GNA12: variants seen among roughly 807,000 people sequenced by gnomAD.
GNA12 encodes the protein G protein subunit alpha 12.
A neutral mutation model predicts 26.0 loss-of-function variants in GNA12; 9 were observed. That is an observed-to-expected ratio of 0.35 (90% confidence interval 0.21 to 0.60). The LOEUF is 0.60. GNA12 is among the 20% of genes least tolerant of loss of function. GNA12 has a pLI of 0.78. For missense variants in GNA12, 405 were observed against 525.8 expected (o/e 0.77, Z 2.25); for synonymous variants, 264 against 219.6 (o/e 1.20, Z -1.79).
intron 2 of GNA12, among the ~76,000 whole-genome samples, chr7:2,777,417 T>C (rs1210332490): frequency 6.6e-6 from 1 of 152,242 alleles, no homozygotes; most frequent in African/African-American, 2.4e-5. Flanking sequence ...ACCAAATGTA[T>C]ACTTCACAAT....
rs138692914 is a variant in GNA12, at chr7:2,731,271, G to T, written c.1056C>A (p.Thr352=). 1 of 1,613,596 alleles carries T rather than the reference G, an allele frequency of 6.2e-7. No individual in the cohort carries two copies. Among genetic ancestry groups the T allele is most frequent in the Non-Finnish European group, 8.5e-7 (1 of 1,179,858 alleles). Residue 352 remains threonine (T), a synonymous_variant, in exon 4 of 4, where the codon ACC becomes ACA. Coordinates refer to ENST00000275364, the MANE Select transcript of GNA12 (RefSeq NM_007353.3). This position sits in a 1 kb window ranked among gnomAD's most constrained non-coding sequence, Gnocchi z 6.0. ...RSKPLFHHFT[T]AIDTENVRFV... is the part of the protein sequence containing the mutation. ...AGCGGACGTTCTCGGTGTCGATGGC[G>T]GTGGTGAAGTGGTGGAAGAGTGGCT...
intron 1 of GNA12, among the ~76,000 whole-genome samples, chr7:2,798,763 G>A (rs1384131965): frequency 6.6e-6 from 1 of 152,202 alleles, no homozygotes; most frequent in East Asian, 1.9e-4. Context: ...ATATAGCTAT[G>A]ATAATCAAGA....
intron 1 of GNA12, chr7:2,836,032 T>C: frequency 1.0e-5 from 3 of 289,812 alleles, no homozygotes; most frequent in South Asian, 4.6e-5. Flanking sequence ...TTAAACATTT[T>C]ATAATACTTA....
rs80106595 is a variant in GNA12 at position 2,730,759 on chromosome 7, T to C, written c.*422A>G. 1.2e-5 allele frequency: 2 copies of C among 167,308 alleles called. No homozygotes were observed. The highest frequency in any genetic ancestry group is 3.3e-4 in the South Asian group (2 of 5,986). The allele number at this position is 167,308 out of a possible 1,614,324, so 10.4% of individuals were successfully genotyped here. On this transcript the variant is annotated 3_prime_UTR_variant, in exon 4 of 4. Transcript: ENST00000275364. ...CAGGTTAGTCTGTCTCAGGGAAGACTTGTGAGTTAGAAAAGCCGTCTGCAA... is the reference window on the plus strand; with the variant it reads ...CAGGTTAGTCTGTCTCAGGGAAGACCTGTGAGTTAGAAAAGCCGTCTGCAA...
chr7:2,826,376 C>CA lies in GNA12; in HGVS notation c.309+17476dup, dbSNP rs71026566. 3.6e-3 allele frequency among the ~76,000 whole-genome samples: 386 copies of CA among 107,622 alleles called. 2 individuals are homozygous for CA. Among genetic ancestry groups the CA allele is most frequent in the South Asian group, 0.021 (64 of 3,120 alleles). The allele number at this position is 107,622 out of a possible 152,430, so 70.6% of individuals were successfully genotyped here. On this transcript the variant is annotated intron_variant, in intron 1 of 3. Coordinates refer to ENST00000275364, the MANE Select transcript of GNA12 (RefSeq NM_007353.3). ...TGGGTGACAGAGTGAGACTCCATCTCAAAAAAAAAAAAAAAAAAACCAACA... is the reference window on the plus strand; with the variant it reads ...TGGGTGACAGAGTGAGACTCCATCTCAAAAAAAAAAAAAAAAAAAACCAACA...
rs570959523 is a variant in GNA12 at position 2,743,705 on chromosome 7, G to A, written c.526-10204C>T. Among the ~76,000 whole-genome samples, 1,405 of 152,306 alleles carry A rather than the reference G, an allele frequency of 9.2e-3. 16 individuals are homozygous for A. Among genetic ancestry groups the A allele is most frequent in the African/African-American group, 0.032 (1,325 of 41,566 alleles). ...ACAGTGGGCGCAGCGCACTGTGCGC[G>A]AGCCGAAGCAGGGCGAGGCACTGCC... On this transcript the variant is annotated intron_variant, in intron 2 of 3. Coordinates refer to ENST00000275364, the MANE Select transcript of GNA12 (RefSeq NM_007353.3).
At chr7:2,751,896 G>C (rs921137124) in intron 2 of GNA12, among the ~76,000 whole-genome samples, 1 of 152,164 alleles carries the variant, frequency 6.6e-6, no homozygotes. Context: ...GAAAACTCCA[G>C]GCCTAGATGA....
At chr7:2,827,781 CTA>C (rs527463614) in intron 1 of GNA12, among the ~76,000 whole-genome samples, 61 of 152,314 alleles carry the variant, frequency 4.0e-4, no homozygotes, top group Admixed American at 2.9e-3. Context: ...TCATGTATAT[CTA>C]TCATGAGGTA....
At chr7:2,773,739 C>A (rs770741905) in intron 2 of GNA12, among the ~76,000 whole-genome samples, 7 of 152,166 alleles carry the variant, frequency 4.6e-5, no homozygotes, top group Non-Finnish European at 1.0e-4. Context: ...CCAGGCACAC[C>A]TGGATGCCCC....
intron 2 of GNA12, among the ~76,000 whole-genome samples, chr7:2,773,371 TG>T (rs1791995624): frequency 6.6e-6 from 1 of 152,246 alleles, no homozygotes; most frequent in Non-Finnish European, 1.5e-5. Flanking sequence ...GAGACCAGCC[TG>T]GCCAACATGG....
chr7:2,840,780 G>T (rs550427945), intron 1 of GNA12, among the ~76,000 whole-genome samples: 20 of 152,202 alleles, frequency 1.3e-4, no homozygotes, highest in African/African-American at 4.8e-4. Flanking sequence ...AGCCCACGAG[G>T]CGACGCAAGG....
At chr7:2,818,831 T>G (rs533732985) in intron 1 of GNA12, among the ~76,000 whole-genome samples, 1 of 147,968 alleles carries the variant, frequency 6.8e-6, no homozygotes, top group Non-Finnish European at 1.5e-5. Flanking sequence ...CTCCCACAGG[T>G]TTCGCTTGCC....
rs139162697 is a variant in GNA12 at position 2,740,888 on chromosome 7, C to G, written c.526-7387G>C. ...TGAAACCCTGCCTCTACTAAAAATACAAAAAAATTAGTCGGGCGTGGTGGC... is the reference window on the plus strand; with the variant it reads ...TGAAACCCTGCCTCTACTAAAAATAGAAAAAAATTAGTCGGGCGTGGTGGC... On this transcript the variant is annotated intron_variant, in intron 2 of 3. Transcript: ENST00000275364. Among the ~76,000 whole-genome samples the G allele has an allele frequency of 5.1e-3, 778 of 152,116 alleles. 9 individuals carry two copies. Among genetic ancestry groups the G allele is most frequent in the African/African-American group, 0.018 (753 of 41,514 alleles).
At chr7:2,761,868 T>G (rs1791572649) in intron 2 of GNA12, among the ~76,000 whole-genome samples, 1 of 152,206 alleles carries the variant, frequency 6.6e-6, no homozygotes, top group Non-Finnish European at 1.5e-5. Flanking sequence ...GGTCACAACG[T>G]AAAATTCGGC....
intron 2 of GNA12, among the ~76,000 whole-genome samples, chr7:2,771,084 A>G (rs1791936468): frequency 6.6e-6 from 1 of 152,158 alleles, no homozygotes; most frequent in South Asian, 2.1e-4. Flanking sequence ...TGAAGTTAGG[A>G]GTTCAAGACC....
At chr7:2,803,268 G>A (rs917651710) in intron 1 of GNA12, among the ~76,000 whole-genome samples, 2 of 152,192 alleles carry the variant, frequency 1.3e-5, no homozygotes, top group African/African-American at 2.4e-5. Flanking sequence ...AATCGCCACC[G>A]CTGGTGAGGC....
At chr7:2,767,598 T>C (rs1169275111) in intron 2 of GNA12, among the ~76,000 whole-genome samples, 1 of 145,600 alleles carries the variant, frequency 6.9e-6, no homozygotes, top group African/African-American at 2.4e-5. Flanking sequence ...AACAACTGTT[T>C]CCCTGTCTTC....
chr7:2,835,652 A>G, intron 1 of GNA12: 2 of 932,224 alleles, frequency 2.1e-6, no homozygotes, highest in Non-Finnish European at 3.5e-6. Flanking sequence ...ACGGCTGCAG[A>G]AGATGTCAAT....
At chr7:2,811,514 A>G (rs549718835) in intron 1 of GNA12, among the ~76,000 whole-genome samples, 5 of 152,264 alleles carry the variant, frequency 3.3e-5, no homozygotes, top group Non-Finnish European at 7.3e-5. Context: ...TGACCAATGA[A>G]GTAACTTTTA....
Sources: allele counts gnomAD v4.1 joint callset (sites outside exome capture counted in the v4.1 genomes callset), GRCh38; gene constraint gnomAD v4.1.1; non-coding constraint Gnocchi (gnomAD v3.1); transcripts MANE v1.5; gene names NCBI Gene and HGNC (gene_info 2026-07-23, HGNC 2026-07-21).